Variants in ATXN8OS observed in about 807,000 individuals in gnomAD.
ATXN8OS encodes the protein ATXN8 opposite strand lncRNA, also known as ATXN8 opposite strand (non-protein coding).
At chr13:70,149,727 T>C (rs1313786777) in intron 4 of ATXN8OS, among the ~76,000 whole-genome samples, 2 of 152,140 alleles carry the variant, frequency 1.3e-5, no homozygotes, top group African/African-American at 4.8e-5. Flanking sequence ...GCTGGAAATC[T>C]TTCAGCTACT....
chr13:70,144,728 T>C (rs1391592392), intron 3 of ATXN8OS, among the ~76,000 whole-genome samples: 1 of 152,174 alleles, frequency 6.6e-6, no homozygotes, highest in African/African-American at 2.4e-5. Context: ...TATTATTTCA[T>C]GGGTTGTGCC....
At chr13:70,119,837 A>T (rs1303134677) in intron 2 of ATXN8OS, among the ~76,000 whole-genome samples, 2 of 152,124 alleles carry the variant, frequency 1.3e-5, no homozygotes, top group African/African-American at 4.8e-5. Flanking sequence ...GTCAGTGATT[A>T]TGAAACATGA....
intron 3 of ATXN8OS, chr13:70,131,687 A>G: frequency 2.5e-6 from 1 of 394,462 alleles, no homozygotes; most frequent in Non-Finnish European, 4.5e-6. Context: ...AGACTAGATC[A>G]TTTTCCCTTG....
chr13:70,142,090 A>T (rs981491110), intron 3 of ATXN8OS, among the ~76,000 whole-genome samples: 8 of 151,956 alleles, frequency 5.3e-5, no homozygotes, highest in Non-Finnish European at 1.0e-4. Flanking sequence ...CTCCATGTTG[A>T]CCAGGCTGGT....
intron 2 of ATXN8OS, among the ~76,000 whole-genome samples, chr13:70,117,650 C>T (rs1400055520): frequency 6.6e-6 from 1 of 152,076 alleles, no homozygotes; most frequent in Non-Finnish European, 1.5e-5. Context: ...AAACCCTTCT[C>T]TGCTGCTTAC....
chr13:70,108,296 C>A, intron 1 of ATXN8OS: 1 of 355,350 alleles, frequency 2.8e-6, no homozygotes, highest in East Asian at 4.3e-5. Flanking sequence ...CCCCGATAGC[C>A]TGCCGGGTGG....
intron 3 of ATXN8OS, among the ~76,000 whole-genome samples, chr13:70,141,908 T>C (rs954240675): frequency 4.6e-5 from 7 of 151,270 alleles, no homozygotes; most frequent in African/African-American, 1.7e-4. Flanking sequence ...TGAAACAGAG[T>C]TTTTTGCTTT....
intron 3 of ATXN8OS, among the ~76,000 whole-genome samples, chr13:70,141,741 G>A (rs1405691259): frequency 1.3e-5 from 2 of 151,500 alleles, no homozygotes; most frequent in Non-Finnish European, 2.9e-5. Flanking sequence ...CATCAAAATG[G>A]CAAAAACAGT....
chr13:70,143,784 AATAAGTT>A (rs2137494261), intron 3 of ATXN8OS, among the ~76,000 whole-genome samples: 1 of 152,264 alleles, frequency 6.6e-6, no homozygotes, highest in African/African-American at 2.4e-5. Context: ...TCTCTCTAGA[AATAAGTT>A]TTTATATTGG....
chr13:70,120,487 G>C (rs1888343723), intron 2 of ATXN8OS, among the ~76,000 whole-genome samples: 3 of 152,116 alleles, frequency 2.0e-5, no homozygotes, highest in African/African-American at 7.2e-5. Flanking sequence ...AATTGTTGGA[G>C]TCTATTCAGT....
At chr13:70,127,942 A>G (rs1484875649) in intron 2 of ATXN8OS, among the ~76,000 whole-genome samples, 1 of 152,072 alleles carries the variant, frequency 6.6e-6, no homozygotes, top group Non-Finnish European at 1.5e-5. Context: ...GTTTTCACTA[A>G]CACTCCTTCC....
rs3751429 is a variant in ATXN8OS, at chr13:70,107,824, C to T, written n.45C>T. 5.8e-3 allele frequency: 4,097 copies of T among 710,350 alleles called. 156 individuals carry two copies. In the East Asian group the frequency reaches 0.083, roughly 14 times the overall value. 44.0% of individuals were successfully genotyped at this position (710,350 alleles called of 1,614,324 possible). A position where few individuals can be genotyped will look rare whatever the true frequency, so the allele number is the denominator to read the frequency against. ...GGATGCGCCCTCTGCACCCCTAGAG[C>T]CAGAAGACGCTAGGTGGGCTGCGCG... On this transcript the variant is annotated non_coding_transcript_exon_variant, in exon 1 of 5. Coordinates refer to ENST00000678624, the Ensembl canonical transcript of ATXN8OS.
chr13:70,125,764 T>C (rs1888424183), intron 2 of ATXN8OS, among the ~76,000 whole-genome samples: 1 of 152,188 alleles, frequency 6.6e-6, no homozygotes, highest in African/African-American at 2.4e-5. Context: ...CAGATATTGA[T>C]GCCAGGGATG....
intron 4 of ATXN8OS, among the ~76,000 whole-genome samples, chr13:70,160,947 C>T (rs945090449): frequency 3.3e-5 from 5 of 149,588 alleles, no homozygotes; most frequent in Admixed American, 2.7e-4. Context: ...TCAGGTGGAC[C>T]GACACAATTT....
At chr13:70,169,533 A>T (rs1889119187) in intron 4 of ATXN8OS, among the ~76,000 whole-genome samples, 1 of 152,012 alleles carries the variant, frequency 6.6e-6, no homozygotes, top group Admixed American at 6.6e-5. Context: ...TGACCTCGTG[A>T]TCCACCCGCT....
At chr13:70,169,542 C>T (rs1889119421) in intron 4 of ATXN8OS, among the ~76,000 whole-genome samples, 2 of 152,078 alleles carry the variant, frequency 1.3e-5, no homozygotes, top group African/African-American at 2.4e-5. Context: ...GATCCACCCG[C>T]TCGGCCTCCC....
chr13:70,132,271 TG>T (rs1435484253), intron 3 of ATXN8OS, among the ~76,000 whole-genome samples: 1 of 150,544 alleles, frequency 6.6e-6, no homozygotes, highest in Non-Finnish European at 1.5e-5. Flanking sequence ...ATATATACCA[TG>T]GAATACTACA....
chr13:70,156,763 A>G (rs1050479661), intron 4 of ATXN8OS, among the ~76,000 whole-genome samples: 20 of 152,156 alleles, frequency 1.3e-4, no homozygotes, highest in Non-Finnish European at 5.9e-5. Context: ...ATACCACACT[A>G]TCAAATTAGC....
At chr13:70,138,687 G>A (rs1888653595) in intron 3 of ATXN8OS, among the ~76,000 whole-genome samples, 1 of 152,022 alleles carries the variant, frequency 6.6e-6, no homozygotes, top group Admixed American at 6.6e-5. Flanking sequence ...AAAGAGGAGA[G>A]AGGAAGGGAA....
Sources: gnomAD v4.1 joint callset for allele counts (sites outside exome capture counted in the v4.1 genomes callset) on GRCh38, gnomAD v4.1.1 for gene constraint, MANE v1.5 for transcripts, NCBI Gene and HGNC (gene_info 2026-07-23, HGNC 2026-07-21) for gene names.